The following WDR20 variants were observed in gnomAD, a reference collection of about 807,000 sequenced individuals.
WDR20 encodes WD repeat domain 20.
A neutral mutation model predicts 38.7 loss-of-function variants in WDR20; 3 were observed. The observed-to-expected ratio is 0.08, with a 90% CI of 0.04 to 0.20. WDR20 has a LOEUF of 0.20. Ranked by LOEUF, WDR20 falls within the 10% of genes least tolerant of loss-of-function variation. WDR20 has a pLI of 1.00. For missense variants in WDR20, 559 were observed against 727.7 expected, an observed-to-expected ratio of 0.77 and a Z score of 2.67; for synonymous variants, 298 against 285.6, an observed-to-expected ratio of 1.04 and a Z score of -0.44.
At chr14:102,139,598 C>T (rs2050203924), upstream of WDR20, 1 of 677,528 alleles carries the variant, frequency 1.5e-6, no homozygotes, top group Non-Finnish European at 2.4e-6. Context: ...TTTCCGCTGG[C>T]CCTGGCGGCT....
chr14:102,183,894 A>G (rs760098466), intron 1 of WDR20, among the ~76,000 whole-genome samples: 4 of 152,240 alleles, frequency 2.6e-5, no homozygotes, highest in East Asian at 1.9e-4. Flanking sequence ...CTGCTCTACA[A>G]TGCTCTGTAA....
At chr14:102,148,669 T>TTGTG (rs10525828) in intron 1 of WDR20, among the ~76,000 whole-genome samples, 2,260 of 144,888 alleles carry the variant, frequency 0.016, 47 homozygotes, top group African/African-American at 0.052. Context: ...GAGTTTGGCT[T>TTGTG]TGTGTGTGTG....
chr14:102,222,051 G>A lies in WDR20; in HGVS notation c.1693-779G>A, dbSNP rs955014604. Among the ~76,000 whole-genome samples the A allele has an allele frequency of 8.5e-5, 13 of 152,126 alleles. No individual in the cohort carries two copies. Among genetic ancestry groups the A allele is most frequent in the Non-Finnish European group, 4.4e-5 (3 of 68,022 alleles). ...TTAAACCCTCTTAGGTTTACCCAAG[G>A]TCACACCAGTATTGTAAAATCTGGG... On this transcript the variant is annotated intron_variant, in intron 3 of 3. Coordinates refer to the WDR20 transcript ENST00000335263. The surrounding 1 kb of genome is among the most constrained non-coding windows in gnomAD (Gnocchi z 4.4).
Position 102,139,931 on chromosome 14 carries a change from C to T in WDR20, c.8C>T (p.Thr3Met). The change falls in exon 1 of 3, where the codon ACG (threonine) becomes ATG (methionine). Residue 3 changes from threonine to methionine, a missense_variant. Physicochemically the swap from Thr to Met is moderately conservative, Grantham distance 81. Transcript: ENST00000342702. MA[T>M]EGGGKEMNEI... ...TGAACGCTGCTTTCCAAGATGGCGA[C>T]GGAGGGAGGAGGGAAGGAGATGAAC... is the stretch of plus-strand genomic sequence containing the variant. The T allele has an allele frequency of 6.2e-7, 1 of 1,612,160 alleles. No homozygotes were observed. The highest frequency in any genetic ancestry group is 8.5e-7 in the Non-Finnish European group (1 of 1,178,300).
chr14:102,224,093 G>A (rs577013998), downstream of WDR20, among the ~76,000 whole-genome samples: 28 of 147,138 alleles, frequency 1.9e-4, no homozygotes, highest in African/African-American at 6.1e-4. Context: ...CCAGGCTGGA[G>A]TGCAGTGGCG....
Position 102,208,856 on chromosome 14 carries a change from C to T in WDR20, c.686C>T (p.Ser229Phe), listed in dbSNP as rs1432472883. ...GGGGCCCTCAACGAGTTTGCTTTCT[C>T]CCCAGATGGCAAGTTCTTAGCGTGC... ...GEGALNEFAF[S>F]PDGKFLACVS... The change falls in exon 3 of 3, where the codon TCC (serine) becomes TTC (phenylalanine). Residue 229 changes from serine (S) to phenylalanine (F), a missense_variant. By Grantham distance (155) the Ser-to-Phe change is radical. Transcript: ENST00000342702. This position sits in a 1 kb window ranked among gnomAD's most constrained non-coding sequence, Gnocchi z 5.6. 6.2e-7 allele frequency: 1 copy of T among 1,614,236 alleles called. No homozygotes were observed. Among genetic ancestry groups the T allele is most frequent in the Non-Finnish European group, 8.5e-7 (1 of 1,180,044 alleles).
At chr14:102,143,232 T>C (rs760467139) in intron 1 of WDR20, among the ~76,000 whole-genome samples, 3 of 152,226 alleles carry the variant, frequency 2.0e-5, no homozygotes, top group Non-Finnish European at 4.4e-5. Context: ...ACAGGGATAT[T>C]ATATACTCCG....
At chr14:102,140,779 C>T (rs1376978810) in intron 1 of WDR20, among the ~76,000 whole-genome samples, 1 of 152,212 alleles carries the variant, frequency 6.6e-6, no homozygotes, top group Admixed American at 6.5e-5. Context: ...ACGGCTGTCA[C>T]TGTCTCCGCC....
intron 1 of WDR20, chr14:102,179,083 C>G (rs560289857): frequency 6.6e-6 from 1 of 152,088 alleles, no homozygotes; most frequent in Non-Finnish European, 1.5e-5. Context: ...CCAGAGAATG[C>G]GTGTGCCTGT....
chr14:102,144,863 C>G (rs2053042991), intron 1 of WDR20, among the ~76,000 whole-genome samples: 1 of 152,078 alleles, frequency 6.6e-6, no homozygotes, highest in African/African-American at 2.4e-5. Context: ...CCATGCCCAG[C>G]TCATTTTTGT....
At chr14:102,145,079 C>T (rs772225392) in intron 1 of WDR20, among the ~76,000 whole-genome samples, 6 of 152,244 alleles carry the variant, frequency 3.9e-5, no homozygotes, top group Non-Finnish European at 8.8e-5. Context: ...AACAAAGCTC[C>T]CTTAGAATAG....
intron 1 of WDR20, among the ~76,000 whole-genome samples, chr14:102,170,134 AT>A (rs2060523567): frequency 6.6e-6 from 1 of 152,166 alleles, no homozygotes; most frequent in Non-Finnish European, 1.5e-5. Context: ...CCTTGTTTTG[AT>A]TTGTATACTT....
chr14:102,195,814 G>T (rs573719913), intron 2 of WDR20: 1 of 152,250 alleles, frequency 6.6e-6, no homozygotes, highest in Non-Finnish European at 1.5e-5. Flanking sequence ...AGCTGTTGGA[G>T]CATCTTTCAG....
In WDR20 at chr14:102,208,509, C is replaced by T. The variant is rs1443728852; in HGVS notation, c.433-94C>T. On this transcript the variant is annotated intron_variant, in intron 2 of 2. Transcript: ENST00000342702. The surrounding 1 kb of genome is among the most constrained non-coding windows in gnomAD (Gnocchi z 5.6). ...TGTGGAGGGCCTGGATAGACTTGCC[C>T]CTTCCCATCGAGAAGCACACAAGTT... The T allele has an allele frequency of 4.8e-6, 7 of 1,471,736 alleles. No homozygotes were observed. The highest frequency in any genetic ancestry group is 2.8e-5 in the South Asian group (2 of 70,658). The allele number at this position is 1,471,736 out of a possible 1,614,324, so 91.2% of individuals were successfully genotyped here. A position where few individuals can be genotyped will look rare whatever the true frequency, so the allele number is the denominator to read the frequency against.
At chr14:102,213,997 C>A, downstream of WDR20, 1 of 985,504 alleles carries the variant, frequency 1.0e-6, no homozygotes, top group Non-Finnish European at 1.2e-6. Flanking sequence ...TGGGTGAGGG[C>A]ATGGCGGGGG....
chr14:102,140,098 T>G lies in WDR20; in HGVS notation c.175T>G (p.Ser59Ala). The change falls in exon 1 of 3, where the codon TCT (serine) becomes GCT (alanine). Residue 59 changes from serine to alanine, a missense_variant. By Grantham distance (99) the Ser-to-Ala change is moderately conservative (BLOSUM62 1). Coordinates refer to ENST00000342702, the MANE Select transcript of WDR20 (RefSeq NM_144574.4). Reference sequence around the variant, plus strand: ...CTCCTTCGTAAACCTCAACGACCAGTCTGGCAACGGCGACCGCCTCTGCTT... The same window carrying G: ...CTCCTTCGTAAACCTCAACGACCAGGCTGGCAACGGCGACCGCCTCTGCTT... ...RVSFVNLNDQ[S>A]GNGDRLCFNV... 1 of 1,614,136 alleles carries G rather than the reference T, an allele frequency of 6.2e-7. No individual in the cohort carries two copies. Among genetic ancestry groups the G allele is most frequent in the Non-Finnish European group, 8.5e-7 (1 of 1,180,030 alleles).
At chr14:102,161,729 C>A (rs1216660621) in intron 1 of WDR20, among the ~76,000 whole-genome samples, 2 of 152,106 alleles carry the variant, frequency 1.3e-5, no homozygotes, top group Non-Finnish European at 2.9e-5. Context: ...GTTCTGCTTT[C>A]TACCGTGTTT....
At chr14:102,167,965 A>G (rs1324554365) in intron 1 of WDR20, among the ~76,000 whole-genome samples, 6 of 152,182 alleles carry the variant, frequency 3.9e-5, no homozygotes, top group Non-Finnish European at 5.9e-5. Flanking sequence ...AGCATATTGT[A>G]TGCAGTAGGT....
At position 102,201,882 on chromosome 14, in the gene WDR20, C is replaced by T. The variant is rs568284278; in HGVS notation, c.433-6721C>T. ...TCTGTTACTTCCCCTGCCTTCCCTC[C>T]GCCTCCTCGCTGAGCACCTGCCCTG... is the stretch of plus-strand genomic sequence containing the variant. On this transcript the variant is annotated intron_variant, in intron 2 of 2. Coordinates refer to ENST00000342702, the MANE Select transcript of WDR20 (RefSeq NM_144574.4). Among the ~76,000 whole-genome samples, 5 of 152,300 alleles carry T rather than the reference C, an allele frequency of 3.3e-5. No individual in the cohort carries two copies. The South Asian group carries it at 8.3e-4, about 25-fold the overall frequency.
Sources: allele counts gnomAD v4.1 joint callset (sites outside exome capture counted in the v4.1 genomes callset), GRCh38; gene constraint gnomAD v4.1.1; non-coding constraint Gnocchi (gnomAD v3.1); transcripts MANE v1.5; gene names NCBI Gene and HGNC (gene_info 2026-07-23, HGNC 2026-07-21).